Variants in RNF216 observed in about 807,000 individuals in gnomAD.
The protein encoded by RNF216 is ring finger protein 216.
A neutral mutation model predicts 110.8 loss-of-function variants in RNF216; 72 were observed. The ratio of observed to expected loss-of-function variants is 0.65; its 90% confidence interval spans 0.54 to 0.79. The LOEUF (loss-of-function observed/expected upper bound fraction) is 0.79. RNF216 is among the 30% of genes least tolerant of loss of function. The pLI, the probability that RNF216 is intolerant of heterozygous loss-of-function variation, is 0.00. For synonymous variants in RNF216, 495 were observed against 407.5 expected, an observed-to-expected ratio of 1.21 and a Z score of -2.59; for missense variants, 1,342 against 1,141.2, an observed-to-expected ratio of 1.18 and a Z score of -2.54.
chr7:5,673,721 TA>T (rs1397252952), intron 13 of RNF216, among the ~76,000 whole-genome samples: 4 of 152,062 alleles, frequency 2.6e-5, no homozygotes, highest in Admixed American at 6.5e-5. Flanking sequence ...ACAAAAAAAT[TA>T]AAAAATTAGC....
chr7:5,748,653 C>G (rs905028010), intron 3 of RNF216, among the ~76,000 whole-genome samples: 2 of 138,138 alleles, frequency 1.4e-5, no homozygotes, highest in African/African-American at 2.7e-5. Context: ...CACACACACA[C>G]ACACATAATA....
At chr7:5,626,874 T>A (rs765390172) in intron 15 of RNF216, among the ~76,000 whole-genome samples, 3 of 152,146 alleles carry the variant, frequency 2.0e-5, no homozygotes, top group Admixed American at 6.6e-5. Context: ...TGCTCATGAT[T>A]AGGACACAGG....
At chr7:5,761,516 A>G (rs2128671299) in intron 1 of RNF216, among the ~76,000 whole-genome samples, 1 of 152,300 alleles carries the variant, frequency 6.6e-6, no homozygotes, top group East Asian at 1.9e-4. Flanking sequence ...AGCCAGACGC[A>G]GTGGCTCACG....
chr7:5,739,788 G>T (rs1277336976), intron 4 of RNF216, among the ~76,000 whole-genome samples: 1 of 151,994 alleles, frequency 6.6e-6, no homozygotes, highest in Non-Finnish European at 1.5e-5. Flanking sequence ...ATCACCTGAG[G>T]TCAGGAGTTC....
chr7:5,688,695 T>C (rs1382552697), intron 13 of RNF216, among the ~76,000 whole-genome samples: 1 of 152,236 alleles, frequency 6.6e-6, no homozygotes, highest in Non-Finnish European at 1.5e-5. Context: ...TTCTGGAGAC[T>C]TCCTTATCCA....
intron 9 of RNF216, among the ~76,000 whole-genome samples, chr7:5,717,821 C>T (rs768021221): frequency 7.2e-5 from 11 of 152,060 alleles, no homozygotes; most frequent in Non-Finnish European, 1.5e-4. Context: ...CTCACTTTGT[C>T]GCCCAGGCTG....
At chr7:5,775,933 G>A (rs547684065) in intron 1 of RNF216, among the ~76,000 whole-genome samples, 4 of 151,934 alleles carry the variant, frequency 2.6e-5, no homozygotes, top group Non-Finnish European at 5.9e-5. Context: ...TGACATGCCC[G>A]TGTCACACCA....
chr7:5,665,776 A>G (rs1187772264), intron 13 of RNF216, among the ~76,000 whole-genome samples: 2 of 152,234 alleles, frequency 1.3e-5, no homozygotes, highest in Non-Finnish European at 2.9e-5. Context: ...ACTCAAATAC[A>G]GACGACTGTT....
At chr7:5,758,266 C>T (rs1470068151) in intron 2 of RNF216, among the ~76,000 whole-genome samples, 1 of 152,110 alleles carries the variant, frequency 6.6e-6, no homozygotes, top group Non-Finnish European at 1.5e-5. Flanking sequence ...TTAAAATTGC[C>T]TGAATCCAAT....
chr7:5,781,456 G>A (rs1797088157), intron 1 of RNF216, 85 bp downstream of exon 1: 1 of 141,422 alleles, frequency 7.1e-6, no homozygotes, highest in African/African-American at 2.6e-5. Flanking sequence ...CACCCCCGGA[G>A]CTCCACAGAG....
At chr7:5,723,628 C>A (rs1252166306) in intron 8 of RNF216, among the ~76,000 whole-genome samples, 1 of 150,654 alleles carries the variant, frequency 6.6e-6, no homozygotes, top group Non-Finnish European at 1.5e-5. Flanking sequence ...GCCTGGGCGA[C>A]AGAGCAAGAC....
At chr7:5,730,391 A>T (rs1459270106) in intron 6 of RNF216, among the ~76,000 whole-genome samples, 1 of 152,208 alleles carries the variant, frequency 6.6e-6, no homozygotes, top group East Asian at 1.9e-4. Context: ...TAAAATGTTA[A>T]GAGTTTTGGC....
At chr7:5,763,877 T>C (rs895449662) in intron 1 of RNF216, among the ~76,000 whole-genome samples, 7 of 152,072 alleles carry the variant, frequency 4.6e-5, no homozygotes, top group African/African-American at 1.7e-4. Context: ...CCAGCCTGTA[T>C]CAATAAAGAT....
intron 14 of RNF216, among the ~76,000 whole-genome samples, chr7:5,650,669 G>C (rs1353982090): frequency 6.6e-6 from 1 of 152,146 alleles, no homozygotes; most frequent in Non-Finnish European, 1.5e-5. Context: ...TTCAAAGCCA[G>C]CAACAGGGGG....
At chr7:5,664,568 T>G (rs1449768360) in intron 13 of RNF216, among the ~76,000 whole-genome samples, 1 of 152,150 alleles carries the variant, frequency 6.6e-6, no homozygotes, top group South Asian at 2.1e-4. Flanking sequence ...ACCCTGAAAA[T>G]GTGTGCCCAA....
At chr7:5,754,784 T>C (rs2128665707) in intron 2 of RNF216, among the ~76,000 whole-genome samples, 1 of 152,088 alleles carries the variant, frequency 6.6e-6, no homozygotes, top group South Asian at 2.1e-4. Flanking sequence ...TCCCAGAACT[T>C]TGGGAGGCCT....
chr7:5,710,002 CCTCAGCCTCT>C (rs1042448430), intron 13 of RNF216, among the ~76,000 whole-genome samples: 7 of 152,182 alleles, frequency 4.6e-5, no homozygotes, highest in African/African-American at 1.7e-4. Flanking sequence ...GATCCTCCTG[CCTCAGCCTCT>C]CAAAGTGCTG....
intron 3 of RNF216, among the ~76,000 whole-genome samples, chr7:5,745,254 T>C (rs941619142): frequency 5.9e-5 from 9 of 152,176 alleles, no homozygotes; most frequent in African/African-American, 2.2e-4. Flanking sequence ...CTCTGTAAGA[T>C]GCTGAAATTG....
intron 8 of RNF216, among the ~76,000 whole-genome samples, chr7:5,723,554 G>A (rs1259370942): frequency 3.3e-5 from 5 of 152,042 alleles, no homozygotes. Flanking sequence ...GGCTGAGGTA[G>A]GAGAATGGCG....
Sources: allele counts gnomAD v4.1 joint callset (sites outside exome capture counted in the v4.1 genomes callset), GRCh38; gene constraint gnomAD v4.1.1; transcripts MANE v1.5; gene names NCBI Gene and HGNC (gene_info 2026-07-23, HGNC 2026-07-21).